Variants in STARD13 observed in about 807,000 individuals in gnomAD.
The protein encoded by STARD13 is StAR related lipid transfer domain containing 13, also known as stAR-related lipid transfer protein 13.
Under a neutral mutation model 106.4 loss-of-function variants are expected in STARD13, and 62 were observed. That is an observed-to-expected ratio of 0.58 (90% CI 0.48 to 0.72). The LOEUF (loss-of-function observed/expected upper bound fraction) is 0.72. Among genes scored for constraint, STARD13 ranks in the 30% least tolerant of loss-of-function variants. The pLI is 0.00. For missense variants in STARD13, 1,387 were observed against 1,424.0 expected, an observed-to-expected ratio of 0.97 and a Z score of 0.42; for synonymous variants, 565 against 553.0, an observed-to-expected ratio of 1.02 and a Z score of -0.31.
rs778828160 is a variant in STARD13 at position 33,130,077 on chromosome 13, G to A, written c.600C>T (p.Ser200=). ...LSEPEVCSIH[S]ESSGGSDSRS... ...GACTGTCGCTGCCTCCACTGCTTTC[G>A]CTGTGAATGGAGCAGACCTCAGGCT... Residue 200 remains serine (S), a synonymous_variant, in exon 5 of 14, where the codon AGC becomes AGT. Transcript: ENST00000336934. This position sits in a 1 kb window ranked among gnomAD's most constrained non-coding sequence, Gnocchi z 4.1. 1.4e-5 allele frequency: 22 copies of A among 1,613,820 alleles called. No homozygotes were observed. In the Admixed American group the frequency reaches 3.0e-4, roughly 22 times the overall value.
At chr13:33,614,270 C>CATGTGTGTGTGTGT in the STARD13 span, among the ~76,000 whole-genome samples, 9 of 145,154 alleles carry the variant, frequency 6.2e-5, no homozygotes, top group African/African-American at 1.5e-4. Flanking sequence ...ATACATTCTC[C>CATGTGTGTGTGTGT]GTGTGTGTGT....
the STARD13 span, among the ~76,000 whole-genome samples, chr13:33,488,782 G>A: frequency 6.6e-6 from 1 of 152,150 alleles, no homozygotes; most frequent in East Asian, 1.9e-4. Flanking sequence ...ACTTCTCTCT[G>A]TAGCCTTCTT....
rs1175187143 is a variant in STARD13 at position 33,279,531 on chromosome 13, A to G, written c.169+5939T>C. 2.0e-5 allele frequency: 3 copies of G among 152,344 alleles called. No individual in the cohort carries two copies. In the South Asian group the frequency reaches 6.2e-4, roughly 32 times the overall value. The allele number at this position is 152,344 out of a possible 1,614,324, so 9.4% of individuals were successfully genotyped here. The stretch of plus-strand genomic sequence containing the variant: ...ACAGAAGTTTCAACATTCTGCCAAC[A>G]GAGTAACTCCTGGACGATTGGCACA... On this transcript the variant is annotated intron_variant, in intron 1 of 13. Coordinates refer to ENST00000336934, the MANE Select transcript of STARD13 (RefSeq NM_178006.4).
the STARD13 span, among the ~76,000 whole-genome samples, chr13:33,449,542 C>T: frequency 2.0e-5 from 3 of 152,074 alleles, no homozygotes; most frequent in Non-Finnish European, 4.4e-5. Flanking sequence ...AGTCTAATGT[C>T]ACCAGGTTTA....
chr13:33,632,711 T>G, the STARD13 span, among the ~76,000 whole-genome samples: 1 of 152,214 alleles, frequency 6.6e-6, no homozygotes, highest in African/African-American at 2.4e-5. Context: ...GCTAGAAAAA[T>G]GTATTTCAGG....
At chr13:33,487,231 C>G in the STARD13 span, among the ~76,000 whole-genome samples, 4 of 152,178 alleles carry the variant, frequency 2.6e-5, no homozygotes, top group Non-Finnish European at 5.9e-5. Flanking sequence ...TAAGGAAAAT[C>G]TTAGCAGCTG....
the STARD13 span, among the ~76,000 whole-genome samples, chr13:33,503,889 A>C: frequency 6.6e-6 from 1 of 152,220 alleles, no homozygotes; most frequent in African/African-American, 2.4e-5. Flanking sequence ...TCTACAAAGA[A>C]CTTAAACAAA....
chr13:33,440,270 C>CA, the STARD13 span, among the ~76,000 whole-genome samples: 1,108 of 63,198 alleles, frequency 0.018, 8 homozygotes, highest in African/African-American at 0.031. Context: ...CAGAACGAGG[C>CA]AAAAAAAAAA....
At chr13:33,363,902 T>C in the STARD13 span, among the ~76,000 whole-genome samples, 1 of 152,216 alleles carries the variant, frequency 6.6e-6, no homozygotes, top group African/African-American at 2.4e-5. Flanking sequence ...GATATGCCTA[T>C]GCGTTACCCT....
At chr13:33,109,233 AC>A (rs1273884082) in intron 12 of STARD13, among the ~76,000 whole-genome samples, 2 of 152,206 alleles carry the variant, frequency 1.3e-5, no homozygotes, top group African/African-American at 2.4e-5. Context: ...GGCTGATGCA[AC>A]ACTGCATCTC....
At chr13:33,503,203 T>C in the STARD13 span, among the ~76,000 whole-genome samples, 1 of 152,222 alleles carries the variant, frequency 6.6e-6, no homozygotes, top group Non-Finnish European at 1.5e-5. Flanking sequence ...TGGTAGTTTG[T>C]ATTTCTGTGG....
chr13:33,158,699 G>A (rs1446459937), intron 3 of STARD13: 1 of 152,214 alleles, frequency 6.6e-6, no homozygotes, highest in African/African-American at 2.4e-5. Context: ...AGGAGTGGCT[G>A]AGGGTCTAAT....
At chr13:33,669,464 C>G in the STARD13 span, among the ~76,000 whole-genome samples, 1 of 151,882 alleles carries the variant, frequency 6.6e-6, no homozygotes, top group East Asian at 1.9e-4. Flanking sequence ...GGACTTCCAC[C>G]GCTTGCTCAC....
At chr13:33,153,390 G>T (rs1881541980) in intron 3 of STARD13, among the ~76,000 whole-genome samples, 1 of 152,176 alleles carries the variant, frequency 6.6e-6, no homozygotes, top group African/African-American at 2.4e-5. Context: ...AGCCAGAGAG[G>T]GATGCCCAGG....
the STARD13 span, among the ~76,000 whole-genome samples, chr13:33,358,292 G>A: frequency 1.3e-5 from 2 of 152,180 alleles, no homozygotes; most frequent in Admixed American, 1.3e-4. Flanking sequence ...TGCAGCCCGA[G>A]CCTCCCCGAG....
chr13:33,194,467 T>A (rs1422607447), intron 1 of STARD13, among the ~76,000 whole-genome samples: 2 of 152,224 alleles, frequency 1.3e-5, no homozygotes, highest in Non-Finnish European at 2.9e-5. Flanking sequence ...TAAATGTACA[T>A]TCTTTCATGG....
At chr13:33,458,040 A>G in the STARD13 span, among the ~76,000 whole-genome samples, 1,239 of 152,302 alleles carry the variant, frequency 8.1e-3, 13 homozygotes, top group African/African-American at 0.029. Flanking sequence ...ATAGAATCAC[A>G]GCATTTCCAT....
At chr13:33,298,715 G>T (rs576580897) in intron 1 of STARD13, among the ~76,000 whole-genome samples, 1 of 151,984 alleles carries the variant, frequency 6.6e-6, no homozygotes, top group African/African-American at 2.4e-5. Flanking sequence ...TCTATTATTT[G>T]AGTCAACTAG....
At chr13:33,586,502 C>G in the STARD13 span, among the ~76,000 whole-genome samples, 1 of 152,096 alleles carries the variant, frequency 6.6e-6, no homozygotes, top group Non-Finnish European at 1.5e-5. Flanking sequence ...TAATCTTCAA[C>G]AAAAATACTA....
Sources: allele counts gnomAD v4.1 joint callset (sites outside exome capture counted in the v4.1 genomes callset), GRCh38; gene constraint gnomAD v4.1.1; non-coding constraint Gnocchi (gnomAD v3.1); transcripts MANE v1.5; gene names NCBI Gene and HGNC (gene_info 2026-07-23, HGNC 2026-07-21).